Variants in RANBP2 observed in about 807,000 individuals in gnomAD.
The protein encoded by RANBP2 is RAN binding protein 2.
A neutral mutation model predicts 303.6 loss-of-function variants in RANBP2; 57 were observed. The ratio of observed to expected loss-of-function variants is 0.19; its 90% CI spans 0.15 to 0.23. RANBP2 has a LOEUF of 0.23. RANBP2 is among the 10% of genes least tolerant of loss of function. The probability of loss-of-function intolerance (pLI) is 1.00; values close to 1 mark genes in which losing one functional copy is unlikely to be tolerated. For synonymous variants in RANBP2, 1,167 were observed against 1,301.5 expected, an observed-to-expected ratio of 0.90 and a Z score of 2.23; for missense variants, 3,138 against 3,780.8, an observed-to-expected ratio of 0.83 and a Z score of 4.46.
At chr2:109,104,672 C>T in the RANBP2 span, among the ~76,000 whole-genome samples, 3 of 151,678 alleles carry the variant, frequency 2.0e-5, no homozygotes, top group African/African-American at 4.8e-5. Context: ...TTAGTAGAGA[C>T]GGGGGTTTCA....
chr2:109,344,976 G>A, the RANBP2 span, among the ~76,000 whole-genome samples: 1 of 152,180 alleles, frequency 6.6e-6, no homozygotes, highest in Non-Finnish European at 1.5e-5. Context: ...GCTGGGGTCT[G>A]CATCAGTGAA....
At chr2:108,756,412 C>T (rs531371094) in intron 17 of RANBP2, among the ~76,000 whole-genome samples, 1 of 152,280 alleles carries the variant, frequency 6.6e-6, no homozygotes, top group East Asian at 1.9e-4. Flanking sequence ...TAGGTTCTTT[C>T]ATGTTTATCA....
intron 1 of RANBP2, among the ~76,000 whole-genome samples, chr2:108,726,860 A>G (rs1406721680): frequency 2.6e-5 from 4 of 152,110 alleles, no homozygotes; most frequent in Non-Finnish European, 5.9e-5. Flanking sequence ...GCCTTCAAGC[A>G]TCTGTTTAAC....
chr2:108,952,440 G>T, the RANBP2 span, among the ~76,000 whole-genome samples: 1 of 152,220 alleles, frequency 6.6e-6, no homozygotes, highest in Non-Finnish European at 1.5e-5. Flanking sequence ...TGCAGATTAG[G>T]AAGGTTCAAT....
the RANBP2 span, among the ~76,000 whole-genome samples, chr2:109,190,088 G>T: frequency 3.3e-5 from 5 of 152,186 alleles, no homozygotes; most frequent in African/African-American, 7.2e-5. Flanking sequence ...AACTTTTCCC[G>T]TGATCATATG....
At chr2:109,349,765 C>T in the RANBP2 span, among the ~76,000 whole-genome samples, 2 of 152,250 alleles carry the variant, frequency 1.3e-5, no homozygotes, top group African/African-American at 2.4e-5. Context: ...CTGGGTAGGC[C>T]TGCTTCTCTG....
the RANBP2 span, among the ~76,000 whole-genome samples, chr2:109,134,681 G>C: frequency 5.9e-3 from 894 of 152,188 alleles, 10 homozygotes; most frequent in South Asian, 0.022. Context: ...GGTGTTTTTT[G>C]GAAGATTAAC....
chr2:108,987,546 C>A, the RANBP2 span, among the ~76,000 whole-genome samples: 17 of 152,202 alleles, frequency 1.1e-4, no homozygotes, highest in African/African-American at 3.6e-4. Flanking sequence ...AGCAAGAAAC[C>A]AGGTAGTGGC....
At chr2:109,619,412 T>G in the RANBP2 span, among the ~76,000 whole-genome samples, 2 of 152,208 alleles carry the variant, frequency 1.3e-5, no homozygotes, top group Non-Finnish European at 2.9e-5. Context: ...TCAAGACAGG[T>G]GTAGGAATAC....
the RANBP2 span, among the ~76,000 whole-genome samples, chr2:109,107,582 T>C: frequency 2.6e-5 from 4 of 152,182 alleles, no homozygotes; most frequent in African/African-American, 9.7e-5. Context: ...GCCATGGTTC[T>C]TACTCCTTTA....
the RANBP2 span, chr2:109,128,902 C>G: frequency 3.0e-6 from 1 of 330,312 alleles, no homozygotes; most frequent in South Asian, 2.1e-5. Flanking sequence ...GGCTTGCGCC[C>G]AAGCGAAGGG....
At chr2:109,209,894 G>A in the RANBP2 span, among the ~76,000 whole-genome samples, 1 of 151,960 alleles carries the variant, frequency 6.6e-6, no homozygotes, top group Admixed American at 6.6e-5. Flanking sequence ...CATTAAGTAC[G>A]TCCCCCCTGT....
the RANBP2 span, among the ~76,000 whole-genome samples, chr2:109,265,643 G>A: frequency 1.3e-5 from 2 of 152,232 alleles, no homozygotes; most frequent in Non-Finnish European, 2.9e-5. Flanking sequence ...GGTGGCCAAC[G>A]CTGAAACAGA....
chr2:109,619,360 C>T, the RANBP2 span, among the ~76,000 whole-genome samples: 2 of 152,204 alleles, frequency 1.3e-5, no homozygotes, highest in Non-Finnish European at 2.9e-5. Context: ...ATGGGTTTTG[C>T]ACACACCATC....
At chr2:109,238,311 A>G in the RANBP2 span, among the ~76,000 whole-genome samples, 5 of 152,356 alleles carry the variant, frequency 3.3e-5, no homozygotes, top group South Asian at 1.0e-3. Flanking sequence ...ATATCACTGT[A>G]TTTTTAAAAA....
At chr2:109,425,566 G>T in the RANBP2 span, among the ~76,000 whole-genome samples, 1 of 152,174 alleles carries the variant, frequency 6.6e-6, no homozygotes, top group Non-Finnish European at 1.5e-5. Context: ...GAACCCTAGG[G>T]CTCTTAAGAA....
At chr2:108,914,669 A>G in the RANBP2 span, among the ~76,000 whole-genome samples, 2 of 152,240 alleles carry the variant, frequency 1.3e-5, no homozygotes, top group Non-Finnish European at 2.9e-5. Flanking sequence ...TTTGCAAATA[A>G]TAAAGCCAAC....
At chr2:109,192,493 G>T in the RANBP2 span, among the ~76,000 whole-genome samples, 1 of 152,150 alleles carries the variant, frequency 6.6e-6, no homozygotes, top group Non-Finnish European at 1.5e-5. Flanking sequence ...GTATACATTT[G>T]TGTTGGATCA....
chr2:109,035,835 A>G, the RANBP2 span, among the ~76,000 whole-genome samples: 1 of 152,152 alleles, frequency 6.6e-6, no homozygotes, highest in Non-Finnish European at 1.5e-5. Flanking sequence ...AAATAATTAA[A>G]CTTCTTAACA....
Sources: allele counts gnomAD v4.1 joint callset (sites outside exome capture counted in the v4.1 genomes callset), GRCh38; gene constraint gnomAD v4.1.1; transcripts MANE v1.5; gene names NCBI Gene and HGNC (gene_info 2026-07-23, HGNC 2026-07-21).